ERBB4: variants seen among roughly 807,000 people sequenced by gnomAD.
ERBB4 encodes the protein erb-b2 receptor tyrosine kinase 4.
Under a neutral mutation model 158.0 loss-of-function variants are expected in ERBB4, and 42 were observed. That is an observed-to-expected ratio of 0.27 (90% confidence interval 0.21 to 0.34). The LOEUF (loss-of-function observed/expected upper bound fraction) is 0.34, where lower values mean the gene tolerates loss of function less well. Ranked by LOEUF, ERBB4 falls within the 10% of genes least tolerant of loss-of-function variation. The pLI is 1.00. For missense variants in ERBB4, 1,333 were observed against 1,624.1 expected (o/e 0.82, Z 3.08); for synonymous variants, 583 against 558.7 (o/e 1.04, Z -0.61).
chr2:212,144,446 A>G (rs1364488449), intron 1 of ERBB4, among the ~76,000 whole-genome samples: 1 of 152,190 alleles, frequency 6.6e-6, no homozygotes, highest in Non-Finnish European at 1.5e-5. Context: ...CAACTTACCC[A>G]CAACTTTTCC....
At chr2:211,573,203 A>C (rs1429107933) in intron 19 of ERBB4, among the ~76,000 whole-genome samples, 1 of 152,134 alleles carries the variant, frequency 6.6e-6, no homozygotes, top group Non-Finnish European at 1.5e-5. Flanking sequence ...TGATGCCCCC[A>C]CAAGCCAAGG....
chr2:211,833,559 G>C (rs2077271623), intron 3 of ERBB4, among the ~76,000 whole-genome samples: 1 of 151,914 alleles, frequency 6.6e-6, no homozygotes. Context: ...AGATAGATAT[G>C]ATCATCTTCC....
intron 1 of ERBB4, among the ~76,000 whole-genome samples, chr2:212,181,805 T>A (rs1179868196): frequency 6.6e-6 from 1 of 151,792 alleles, no homozygotes; most frequent in Non-Finnish European, 1.5e-5. Context: ...ATTCTTCAAG[T>A]TCCTAAGAGT....
intron 1 of ERBB4, among the ~76,000 whole-genome samples, chr2:212,517,573 G>C (rs888173988): frequency 6.6e-6 from 1 of 152,004 alleles, no homozygotes; most frequent in Admixed American, 6.6e-5. Context: ...ACTCCCCCTT[G>C]TTAGCATGAG....
At chr2:211,861,031 TATA>T (rs2078008784) in intron 3 of ERBB4, among the ~76,000 whole-genome samples, 1 of 9,212 alleles carries the variant, frequency 1.1e-4, no homozygotes, top group Non-Finnish European at 1.8e-4. Context: ...TATATATAAA[TATA>T]ATATATTTAT....
chr2:211,441,420 C>T (rs550197904), intron 20 of ERBB4, among the ~76,000 whole-genome samples: 1 of 152,238 alleles, frequency 6.6e-6, no homozygotes, highest in Admixed American at 6.5e-5. Flanking sequence ...AGTAATAATA[C>T]AAATTTCACT....
chr2:212,100,037 C>A (rs1180716460), intron 2 of ERBB4, among the ~76,000 whole-genome samples: 2 of 151,798 alleles, frequency 1.3e-5, no homozygotes, highest in African/African-American at 4.8e-5. Flanking sequence ...TGATTATTTG[C>A]ATATTAAAGT....
chr2:211,565,926 A>G (rs1290596271), intron 19 of ERBB4, among the ~76,000 whole-genome samples: 1 of 152,188 alleles, frequency 6.6e-6, no homozygotes, highest in African/African-American at 2.4e-5. Flanking sequence ...ATGGCTTCCA[A>G]GTAAAAAAGA....
intron 2 of ERBB4, among the ~76,000 whole-genome samples, chr2:212,043,893 C>G (rs1559375305): frequency 6.6e-6 from 1 of 152,032 alleles, no homozygotes; most frequent in African/African-American, 2.4e-5. Flanking sequence ...AGCACAGTGC[C>G]TAGCATAATG....
intron 19 of ERBB4, among the ~76,000 whole-genome samples, chr2:211,567,787 AT>A (rs11350799): frequency 0.058 from 8,153 of 140,550 alleles, 640 homozygotes; most frequent in African/African-American, 0.18. Context: ...TGTAGCTTGC[AT>A]TTTTTTTTTT....
chr2:212,318,062 T>C (rs182486424), intron 1 of ERBB4, among the ~76,000 whole-genome samples: 1 of 151,716 alleles, frequency 6.6e-6, no homozygotes, highest in African/African-American at 2.4e-5. Flanking sequence ...AGGCTAAGTG[T>C]TTTATTCTTA....
At chr2:211,801,859 T>C (rs1315242085) in intron 3 of ERBB4, among the ~76,000 whole-genome samples, 1 of 152,304 alleles carries the variant, frequency 6.6e-6, no homozygotes, top group Non-Finnish European at 1.5e-5. Context: ...ATATCATATT[T>C]GAAAGAATCT....
At chr2:212,530,745 T>C (rs978167251) in intron 1 of ERBB4, among the ~76,000 whole-genome samples, 2 of 152,118 alleles carry the variant, frequency 1.3e-5, no homozygotes, top group African/African-American at 2.4e-5. Flanking sequence ...AGATTAACAC[T>C]TGGATATCCA....
At chr2:211,506,936 T>G (rs2125603884) in intron 20 of ERBB4, among the ~76,000 whole-genome samples, 1 of 152,256 alleles carries the variant, frequency 6.6e-6, no homozygotes, top group South Asian at 2.1e-4. Flanking sequence ...TGAAGTTTGT[T>G]TTTTGAAAGG....
intron 2 of ERBB4, among the ~76,000 whole-genome samples, chr2:212,004,675 A>G (rs1190373611): frequency 6.6e-6 from 1 of 152,166 alleles, no homozygotes; most frequent in Non-Finnish European, 1.5e-5. Context: ...TGAGGTAAGG[A>G]GCCATGGGAG....
At chr2:211,663,935 A>G (rs2071523892) in intron 15 of ERBB4, among the ~76,000 whole-genome samples, 1 of 152,128 alleles carries the variant, frequency 6.6e-6, no homozygotes, top group Non-Finnish European at 1.5e-5. Context: ...AGTATGCCAA[A>G]AACTCACAAG....
At chr2:211,784,466 T>C (rs2076109766) in intron 4 of ERBB4, among the ~76,000 whole-genome samples, 1 of 152,248 alleles carries the variant, frequency 6.6e-6, no homozygotes, top group Non-Finnish European at 1.5e-5. Flanking sequence ...ATTTCATCAT[T>C]GTATGTATAT....
chr2:212,050,065 G>T (rs1320149989), intron 2 of ERBB4, among the ~76,000 whole-genome samples: 1 of 152,048 alleles, frequency 6.6e-6, no homozygotes, highest in Non-Finnish European at 1.5e-5. Flanking sequence ...GAAAAAAAAT[G>T]GGGAGAATCT....
chr2:212,280,035 A>G (rs2085693270), intron 1 of ERBB4, among the ~76,000 whole-genome samples: 1 of 151,684 alleles, frequency 6.6e-6, no homozygotes, highest in Non-Finnish European at 1.5e-5. Flanking sequence ...TTGCAATGTA[A>G]AGAAATTTTC....
Sources: gnomAD v4.1 joint callset for allele counts (sites outside exome capture counted in the v4.1 genomes callset) on GRCh38, gnomAD v4.1.1 for gene constraint, MANE v1.5 for transcripts, NCBI Gene and HGNC (gene_info 2026-07-23, HGNC 2026-07-21) for gene names.